The following HPS4 variants were observed in gnomAD, a reference collection of about 807,000 sequenced individuals.
HPS4 encodes the protein BLOC-3 complex member HPS4.
HPS4 carries 44 observed loss-of-function variants against 70.3 expected under a neutral mutation model. The ratio of observed to expected loss-of-function variants is 0.63; its 90% CI spans 0.49 to 0.80. HPS4 has a LOEUF of 0.80. HPS4 is among the 30% of genes least tolerant of loss of function. HPS4 has a pLI of 0.00. For synonymous variants in HPS4, 377 were observed against 355.9 expected (o/e 1.06, Z -0.67); for missense variants, 873 against 884.4 (o/e 0.99, Z 0.16).
intron 9 of HPS4, 184 bp downstream of exon 9, chr22:26,466,042 T>C (rs2097558): frequency 2.4e-5 from 37 of 1,534,386 alleles, no homozygotes; most frequent in East Asian, 2.0e-4. Context: ...CCTAAAATCA[T>C]AGCTTTACCA....
At chr22:26,445,602 C>G (rs1346106692) in intron 3 of HPS4, among the ~76,000 whole-genome samples, 2 of 152,190 alleles carry the variant, frequency 1.3e-5, no homozygotes, top group African/African-American at 2.4e-5. Flanking sequence ...AGTTTGCACC[C>G]TCGGGACCTT....
intron 3 of HPS4, among the ~76,000 whole-genome samples, chr22:26,478,807 C>A (rs904214125): frequency 3.3e-5 from 5 of 152,002 alleles, no homozygotes; most frequent in Admixed American, 3.3e-4. Context: ...CCTCAGCCTC[C>A]CAAGTAGCTG....
At chr22:26,472,747 A>G in intron 5 of HPS4, 85 bp downstream of exon 5, 1 of 1,028,302 alleles carries the variant, frequency 9.7e-7, no homozygotes, top group South Asian at 1.3e-5. Context: ...GAAGTATACA[A>G]GACCCCAGAG....
chr22:26,446,434 T>A (rs1406702255), downstream of HPS4, among the ~76,000 whole-genome samples: 2 of 152,180 alleles, frequency 1.3e-5, no homozygotes, highest in Non-Finnish European at 2.9e-5. Flanking sequence ...TCCTTGACTG[T>A]GGCTGCACGA....
At chr22:26,482,551 C>T (rs890659637) in intron 1 of HPS4, among the ~76,000 whole-genome samples, 6 of 152,172 alleles carry the variant, frequency 3.9e-5, no homozygotes, top group African/African-American at 1.4e-4. Context: ...GAACTGTCAT[C>T]TTGACAGTCC....
intron 11 of HPS4, among the ~76,000 whole-genome samples, chr22:26,463,180 G>A (rs896711603): frequency 2.6e-5 from 4 of 152,328 alleles, no homozygotes; most frequent in African/African-American, 9.6e-5. Context: ...GTGGGCCCCA[G>A]GGAAGGTCAG....
Position 26,464,721 on chromosome 22 carries a change from G to A in HPS4, c.909C>T (p.Ser303=). The A allele has an allele frequency of 6.2e-7, 1 of 1,601,278 alleles. No homozygotes were observed. Among genetic ancestry groups the A allele is most frequent in the Non-Finnish European group, 8.5e-7 (1 of 1,172,100 alleles). The change falls in exon 11 of 14, where the codon TCC becomes TCT. Residue 303 remains serine (S), a synonymous_variant. Transcript: ENST00000398145. ...TGGGATCTGGGGTGGTCCAGGCCAT[G>A]GATTCCACATGGCCAGTGGCGTTTT... is the stretch of plus-strand genomic sequence containing the variant. ...LKENATGHVE[S]MAWTTPDPTS...
rs182700538 is a variant in HPS4, at chr22:26,453,005, T to C, written c.*228A>G. On this transcript the variant is annotated 3_prime_UTR_variant, in exon 14 of 14. Coordinates refer to ENST00000398145, the MANE Select transcript of HPS4 (RefSeq NM_022081.6). ...CCGTCCCGGCCCCAACACTACCGAT[T>C]AAATACAGTTCTTTATCAAGTGCTC... 2 of 555,094 alleles carry C rather than the reference T, an allele frequency of 3.6e-6. No individual in the cohort carries two copies. The highest frequency in any genetic ancestry group is 6.3e-5 in the East Asian group (2 of 31,956). The allele number at this position is 555,094 out of a possible 1,614,324, so 34.4% of individuals were successfully genotyped here. A position where few individuals can be genotyped will look rare whatever the true frequency, so the allele number is the denominator to read the frequency against.
chr22:26,472,287 G>C lies in HPS4; in HGVS notation c.501+15C>G. 7.2e-7 allele frequency: 1 copy of C among 1,388,644 alleles called. No homozygotes were observed. Among genetic ancestry groups the C allele is most frequent in the Non-Finnish European group, 1.0e-6 (1 of 974,418 alleles). 86.0% of individuals were successfully genotyped at this position (1,388,644 alleles called of 1,614,324 possible). The stretch of plus-strand genomic sequence containing the variant: ...GTCTTACATATAAAATGAATAAGGA[G>C]GATGAAAATGTTACTTTAGTTTGGT... On this transcript the variant is annotated intron_variant, in intron 6 of 13. Coordinates refer to ENST00000398145, the MANE Select transcript of HPS4 (RefSeq NM_022081.6).
At position 26,457,977 on chromosome 22, in the gene HPS4, G is replaced by A. The variant is rs1268859627; in HGVS notation, c.1847-10C>T. On this transcript the variant is annotated splice_polypyrimidine_tract_variant and intron_variant, in intron 12 of 13. Transcript: ENST00000398145. ...ACCTGCGGCAGGTTTGCTTCCAGAAGAGGACACAGAGTTGTGAAGAGCAGA... is the reference window on the plus strand; with the variant it reads ...ACCTGCGGCAGGTTTGCTTCCAGAAAAGGACACAGAGTTGTGAAGAGCAGA... 1 of 1,604,500 alleles carries A rather than the reference G, an allele frequency of 6.2e-7. No individual in the cohort carries two copies. Among genetic ancestry groups the A allele is most frequent in the Non-Finnish European group, 8.5e-7 (1 of 1,173,554 alleles).
Position 26,465,460 on chromosome 22 carries a change from C to G in HPS4, c.798G>C (p.Met266Ile). 1 of 1,609,170 alleles carries G rather than the reference C, an allele frequency of 6.2e-7. No individual in the cohort carries two copies. Among genetic ancestry groups the G allele is most frequent in the Admixed American group, 1.7e-5 (1 of 60,018 alleles). The change falls in exon 10 of 14, where the codon ATG becomes ATC. Residue 266 changes from methionine to isoleucine, a missense_variant. Physicochemically the swap from Met to Ile is conservative, Grantham distance 10. Coordinates refer to ENST00000398145, the MANE Select transcript of HPS4 (RefSeq NM_022081.6). ...CTCTCTGTGCACTCCATTACCTTGTCATCTGTTCCACCGGGAACTCGTGGA... is the reference window on the plus strand; with the variant it reads ...CTCTCTGTGCACTCCATTACCTTGTGATCTGTTCCACCGGGAACTCGTGGA... ...ISLHEFPVEQMTRSLASPAGL... is the reference protein window; with the variant it reads ...ISLHEFPVEQITRSLASPAGL...
chr22:26,466,340 C>A, intron 8 of HPS4, 78 bp from the exon 9 acceptor site: 2 of 1,524,702 alleles, frequency 1.3e-6, no homozygotes, highest in South Asian at 2.3e-5. Flanking sequence ...ATTTGCTGTG[C>A]CATCTGTTCA....
chr22:26,476,934 C>G lies in HPS4; in HGVS notation c.276+59G>C, dbSNP rs1401942809. The G allele has an allele frequency of 8.9e-6, 14 of 1,581,786 alleles. No homozygotes were observed. In the African/African-American group the frequency reaches 1.6e-4, roughly 18 times the overall value. ...TTCTAAATTCAAGACTCAGAAACAA[C>G]ATAACTTCCTAAACTTATCATTGCA... On this transcript the variant is annotated intron_variant, in intron 4 of 13. Transcript: ENST00000398145.
downstream of HPS4, among the ~76,000 whole-genome samples, chr22:26,448,602 G>C (rs1280422181): frequency 6.6e-6 from 1 of 152,194 alleles, no homozygotes; most frequent in Non-Finnish European, 1.5e-5. Context: ...GAGAAGGGTT[G>C]CAACTTTTCG....
chr22:26,446,382 C>T (rs1001744950), downstream of HPS4, among the ~76,000 whole-genome samples: 10 of 151,130 alleles, frequency 6.6e-5, no homozygotes, highest in Non-Finnish European at 1.0e-4. Context: ...CTGAGTGCTC[C>T]GTAGCATACT....
intron 6 of HPS4, 136 bp from the exon 7 acceptor site, chr22:26,470,949 T>C: frequency 2.0e-6 from 3 of 1,533,846 alleles, no homozygotes; most frequent in African/African-American, 2.7e-5. Flanking sequence ...TGTCACACAG[T>C]GAAAGCTGTG....
At chr22:26,479,597 C>T (rs912916942) in intron 2 of HPS4, 66 of 1,342,156 alleles carry the variant, frequency 4.9e-5, no homozygotes, top group Non-Finnish European at 6.1e-5. Context: ...GGAGAAGACA[C>T]GAGTAGCTAG....
In HPS4 at chr22:26,472,922, C is replaced by A; in HGVS notation, c.294G>T (p.Val98=). The A allele has an allele frequency of 1.9e-6, 3 of 1,614,184 alleles. No homozygotes were observed. The highest frequency in any genetic ancestry group is 1.7e-6 in the Non-Finnish European group (2 of 1,180,008). The part of the protein sequence containing the change: ...GDYLWVLGCA[V]ELPDVSCKRF... ...GCTTGCAGCTGACATCAGGGAGCTC[C>A]ACAGCACAGCCCAGCACCTGTAAAG... Residue 98 remains valine (V), a synonymous_variant, in exon 5 of 14, where the codon GTG becomes GTT. Transcript: ENST00000398145.
chr22:26,458,500 G>A lies in HPS4; in HGVS notation c.1791C>T (p.Ser597=). ...KETLPRDEAA[S]TSSTYNFTHY... ...GTGTGAAGTTGTAGGTGCTGCTCGT[G>A]GAGGCTGCCTCATCCCTGGGCAGCG... Residue 597 remains serine, a synonymous_variant, in exon 12 of 14, where the codon TCC becomes TCT. Transcript: ENST00000398145. 1 of 1,614,120 alleles carries A rather than the reference G, an allele frequency of 6.2e-7. No individual in the cohort carries two copies. The highest frequency in any genetic ancestry group is 8.5e-7 in the Non-Finnish European group (1 of 1,179,992).
Sources: allele counts gnomAD v4.1 joint callset (sites outside exome capture counted in the v4.1 genomes callset), GRCh38; gene constraint gnomAD v4.1.1; transcripts MANE v1.5; gene names NCBI Gene and HGNC (gene_info 2026-07-23, HGNC 2026-07-21).